The following SYPL1 variants were observed in gnomAD, a reference collection of about 807,000 sequenced individuals.
SYPL1 encodes synaptophysin-like protein 1.
A neutral mutation model predicts 23.7 loss-of-function variants in SYPL1; 6 were observed. The observed-to-expected ratio is 0.25, with a 90% CI of 0.14 to 0.50. The LOEUF (loss-of-function observed/expected upper bound fraction) is 0.50, where lower values mean the gene tolerates loss of function less well. Among genes scored for constraint, SYPL1 ranks in the 20% least tolerant of loss-of-function variants. SYPL1 has a pLI of 0.98. For synonymous variants in SYPL1, 102 were observed against 104.5 expected, an observed-to-expected ratio of 0.98 and a Z score of 0.15; for missense variants, 253 against 288.9, an observed-to-expected ratio of 0.88 and a Z score of 0.90.
rs1790038737 is a variant in SYPL1 at position 106,109,522 on chromosome 7, C to T, written c.69+2618G>A. Among the ~76,000 whole-genome samples the T allele has an allele frequency of 1.3e-5, 2 of 152,290 alleles. No individual in the cohort carries two copies. The highest frequency in any genetic ancestry group is 4.1e-4 in the South Asian group (2 of 4,828). ...AATTTTCCTAACCATTCCTTCTCTC[C>T]TTTGCAGGCAGATATCTGCTATATC... is the stretch of plus-strand genomic sequence containing the variant. On this transcript the variant is annotated intron_variant, in intron 1 of 4. Coordinates refer to ENST00000455385, the MANE Select transcript of SYPL1 (RefSeq NM_182715.4). This position sits in a 1 kb window ranked among gnomAD's most constrained non-coding sequence, Gnocchi z 4.3.
At chr7:106,112,424 G>C (rs947340655), upstream of SYPL1, 8 of 1,420,380 alleles carry the variant, frequency 5.6e-6, no homozygotes, top group Admixed American at 1.3e-4. Flanking sequence ...GGGGCGGCTG[G>C]GGAGGCGAGG....
chr7:106,107,966 G>A (rs1248507841), intron 1 of SYPL1, among the ~76,000 whole-genome samples: 2 of 151,974 alleles, frequency 1.3e-5, no homozygotes, highest in East Asian at 1.9e-4. Flanking sequence ...AGGCCGAGGC[G>A]GGTGGATCAC....
At chr7:106,111,221 G>C (rs995133848) in intron 1 of SYPL1, among the ~76,000 whole-genome samples, 2 of 152,198 alleles carry the variant, frequency 1.3e-5, no homozygotes, top group African/African-American at 2.4e-5. Flanking sequence ...ACAGGAAATT[G>C]AAAGTTCTTA....
rs1840247267 is a variant in SYPL1, at chr7:106,100,294, G to A, written c.70-1012C>T. 6.6e-6 allele frequency among the ~76,000 whole-genome samples: 1 copy of A among 152,162 alleles called. No homozygotes were observed. The highest frequency in any genetic ancestry group is 2.1e-4 in the South Asian group (1 of 4,834). On this transcript the variant is annotated intron_variant, in intron 1 of 4. Transcript: ENST00000455385. The surrounding 1 kb of genome is among the most constrained non-coding windows in gnomAD (Gnocchi z 5.1). ...CAAAAAACCTAGAAGCAACCTAAAT[G>A]TTGACAGGGAATCAAACTATAATTC...
intron 3 of SYPL1, among the ~76,000 whole-genome samples, chr7:106,094,862 G>C (rs754898867): frequency 1.3e-5 from 2 of 151,856 alleles, no homozygotes; most frequent in African/African-American, 2.4e-5. Flanking sequence ...GAACTTTTCT[G>C]AAAATGATGC....
At chr7:106,093,512 C>G (rs1250533569) in intron 3 of SYPL1, among the ~76,000 whole-genome samples, 1 of 152,110 alleles carries the variant, frequency 6.6e-6, no homozygotes, top group African/African-American at 2.4e-5. Context: ...TCCCATTTTC[C>G]CATAACACCT....
In SYPL1 at chr7:106,107,299, G is replaced by A. The variant is rs552140424; in HGVS notation, c.69+4841C>T. On this transcript the variant is annotated intron_variant, in intron 1 of 4. Coordinates refer to ENST00000455385, the MANE Select transcript of SYPL1 (RefSeq NM_182715.4). Reference sequence around the variant, plus strand: ...AAGTTATTCATTTCAAAAAAGTATTGTTTTTGATGGTGGTATTTCAGTTTA... The same window carrying A: ...AAGTTATTCATTTCAAAAAAGTATTATTTTTGATGGTGGTATTTCAGTTTA... Among the ~76,000 whole-genome samples the A allele has an allele frequency of 1.2e-4, 19 of 152,244 alleles. 1 individual carries two copies. Among genetic ancestry groups the A allele is most frequent in the Admixed American group, 9.2e-4 (14 of 15,292 alleles).
chr7:106,095,017 G>A lies in SYPL1; in HGVS notation c.403-1880C>T, dbSNP rs1011983828. ...CAATGCACAACCTGCAGCTGCCTAG[G>A]GCAGCTCTACTCCTCCCAACAATTC... is the stretch of plus-strand genomic sequence containing the variant. On this transcript the variant is annotated intron_variant, in intron 3 of 4. Coordinates refer to ENST00000455385, the MANE Select transcript of SYPL1 (RefSeq NM_182715.4). The surrounding 1 kb of genome is among the most constrained non-coding windows in gnomAD (Gnocchi z 4.3). Among the ~76,000 whole-genome samples, 1 of 152,152 alleles carries A rather than the reference G, an allele frequency of 6.6e-6. No individual in the cohort carries two copies. The highest frequency in any genetic ancestry group is 2.1e-4 in the South Asian group (1 of 4,822).
At chr7:106,111,942 A>T (rs1052252168) in intron 1 of SYPL1, 198 bp downstream of exon 1, 55 of 562,804 alleles carry the variant, frequency 9.8e-5, no homozygotes, top group Non-Finnish European at 6.0e-5. Flanking sequence ...TCGTGATTCG[A>T]CGCCCGCCGC....
rs1222979049 is a variant in SYPL1, at chr7:106,091,499, T to A, written c.*306A>T. The A allele has an allele frequency of 4.2e-6, 1 of 236,276 alleles. No individual in the cohort carries two copies. The highest frequency in any genetic ancestry group is 8.2e-6 in the Non-Finnish European group (1 of 121,214). 14.6% of individuals were successfully genotyped at this position (236,276 alleles called of 1,614,324 possible). On this transcript the variant is annotated 3_prime_UTR_variant, in exon 5 of 5. Coordinates refer to ENST00000455385, the MANE Select transcript of SYPL1 (RefSeq NM_182715.4). This position sits in a 1 kb window ranked among gnomAD's most constrained non-coding sequence, Gnocchi z 5.0. ...TAACTGTTTTCTGAATGAAGATACA[T>A]GTTAAGGCTTAAGGTGTAAACACTT...
chr7:106,102,411 T>C (rs918460489), intron 1 of SYPL1, among the ~76,000 whole-genome samples: 2 of 152,222 alleles, frequency 1.3e-5, no homozygotes, highest in South Asian at 2.1e-4. Flanking sequence ...TTGCAACTTC[T>C]GTCTTCCTTT....
chr7:106,110,415 T>C (rs1790084095), intron 1 of SYPL1, among the ~76,000 whole-genome samples: 1 of 152,226 alleles, frequency 6.6e-6, no homozygotes, highest in Non-Finnish European at 1.5e-5. Flanking sequence ...TCATTTCTTC[T>C]ACTATTCTTT....
At position 106,090,515 on chromosome 7, in the gene SYPL1, C is replaced by T. The variant is rs1392898112; in HGVS notation, c.*1290G>A. On this transcript the variant is annotated 3_prime_UTR_variant, in exon 5 of 5. Coordinates refer to ENST00000455385, the MANE Select transcript of SYPL1 (RefSeq NM_182715.4). Reference sequence around the variant, plus strand: ...ACAATCAGTGCACTCTTTCTTTCAACTCCTTTATTAAATTGGTTGCAAAAA... The same window carrying T: ...ACAATCAGTGCACTCTTTCTTTCAATTCCTTTATTAAATTGGTTGCAAAAA... The T allele has an allele frequency of 6.5e-6, 1 of 152,690 alleles. No individual in the cohort carries two copies. Among genetic ancestry groups the T allele is most frequent in the East Asian group, 1.9e-4 (1 of 5,190 alleles). 9.5% of individuals were successfully genotyped at this position (152,690 alleles called of 1,614,324 possible).
intron 1 of SYPL1, 100 bp from the exon 2 acceptor site, chr7:106,099,382 A>C: frequency 2.2e-6 from 3 of 1,357,222 alleles, no homozygotes; most frequent in Non-Finnish European, 3.0e-6. Context: ...TGATTATTAA[A>C]AATTGGCTAA....
rs752735716 is a variant in SYPL1, at chr7:106,091,307, CAT to C, written c.*496_*497del. On this transcript the variant is annotated 3_prime_UTR_variant, in exon 5 of 5. Transcript: ENST00000455385. The surrounding 1 kb of genome is among the most constrained non-coding windows in gnomAD (Gnocchi z 5.0). ...CTTTGCAATTAAAAAAAAATCATAACATAAACAATGTTAGATATAAATTTTGA... is the reference window on the plus strand; with the variant it reads ...CTTTGCAATTAAAAAAAAATCATAACAAACAATGTTAGATATAAATTTTGA... 26 of 152,296 alleles carry C rather than the reference CAT, an allele frequency of 1.7e-4. No homozygotes were observed. Among genetic ancestry groups the C allele is most frequent in the Non-Finnish European group, 2.6e-4 (18 of 67,964 alleles). 9.4% of individuals were successfully genotyped at this position (152,296 alleles called of 1,614,324 possible).
rs1321425496 is a variant in SYPL1 at position 106,104,193 on chromosome 7, A to C, written c.70-4911T>G. 6.6e-6 allele frequency among the ~76,000 whole-genome samples: 1 copy of C among 152,064 alleles called. No homozygotes were observed. The highest frequency in any genetic ancestry group is 1.5e-5 in the Non-Finnish European group (1 of 68,016). ...TTCTCTTGAGCTATCATAGACATTA[A>C]CTCTATTATATATGAACTCTACTAT... On this transcript the variant is annotated intron_variant, in intron 1 of 4. Coordinates refer to ENST00000455385, the MANE Select transcript of SYPL1 (RefSeq NM_182715.4). This position sits in a 1 kb window ranked among gnomAD's most constrained non-coding sequence, Gnocchi z 4.1.
intron 3 of SYPL1, among the ~76,000 whole-genome samples, chr7:106,094,578 T>G (rs980696612): frequency 3.3e-5 from 5 of 152,242 alleles, no homozygotes; most frequent in Admixed American, 1.3e-4. Context: ...CCCCCCTTTT[T>G]ACTGCTGTAC....
intron 1 of SYPL1, among the ~76,000 whole-genome samples, chr7:106,108,348 T>C (rs1840723043): frequency 6.6e-6 from 1 of 152,164 alleles, no homozygotes; most frequent in African/African-American, 2.4e-5. Context: ...CTGACAGCAT[T>C]TGTTGCCACT....
rs1185946061 is a variant in SYPL1 at position 106,090,947 on chromosome 7, A to T, written c.*858T>A. 2.6e-5 allele frequency: 4 copies of T among 152,192 alleles called. No homozygotes were observed. The East Asian group carries it at 7.7e-4, about 29-fold the overall frequency. The allele number at this position is 152,192 out of a possible 1,614,324, so 9.4% of individuals were successfully genotyped here. A position where few individuals can be genotyped will look rare whatever the true frequency, so the allele number is the denominator to read the frequency against. ...CAATCTTAATTTTTTTAACCCTTTG[A>T]CTAGGGTCTGTAAAAAACGGTGGAT... On this transcript the variant is annotated 3_prime_UTR_variant, in exon 5 of 5. Coordinates refer to ENST00000455385, the MANE Select transcript of SYPL1 (RefSeq NM_182715.4).
Sources: allele counts gnomAD v4.1 joint callset (sites outside exome capture counted in the v4.1 genomes callset), GRCh38; gene constraint gnomAD v4.1.1; non-coding constraint Gnocchi (gnomAD v3.1); transcripts MANE v1.5; gene names NCBI Gene and HGNC (gene_info 2026-07-23, HGNC 2026-07-21).